The following PPP1R12A variants were observed in gnomAD, a reference collection of about 807,000 sequenced individuals.
PPP1R12A encodes myosin binding subunit.
In PPP1R12A, 19 loss-of-function variants were observed where a neutral mutation model predicts 139.6. The ratio of observed to expected loss-of-function variants is 0.14; its 90% CI spans 0.09 to 0.20. The LOEUF (loss-of-function observed/expected upper bound fraction) is 0.20, where lower values mean the gene tolerates loss of function less well. Among genes scored for constraint, PPP1R12A ranks in the 10% least tolerant of loss-of-function variants. PPP1R12A has a pLI of 1.00. For synonymous variants in PPP1R12A, 427 were observed against 420.6 expected (o/e 1.02, Z -0.19); for missense variants, 925 against 1,211.5 (o/e 0.76, Z 3.51).
At chr12:79,806,034 C>A in intron 13 of PPP1R12A, 132 bp downstream of exon 13, 2 of 1,263,486 alleles carry the variant, frequency 1.6e-6, no homozygotes, top group Non-Finnish European at 1.1e-6. Context: ...CATTTTGGAA[C>A]CAATTTTTGT....
intron 11 of PPP1R12A, among the ~76,000 whole-genome samples, chr12:79,807,688 G>A (rs1437368035): frequency 2.6e-5 from 4 of 151,840 alleles, no homozygotes; most frequent in Non-Finnish European, 4.4e-5. Flanking sequence ...GACTGCTTAT[G>A]AGATCTTAGG....
chr12:79,844,648 T>C (rs1363014418), intron 3 of PPP1R12A, among the ~76,000 whole-genome samples: 1 of 152,200 alleles, frequency 6.6e-6, no homozygotes, highest in Non-Finnish European at 1.5e-5. Flanking sequence ...AGAGATCCTT[T>C]CTAAAAGTAT....
intron 1 of PPP1R12A, among the ~76,000 whole-genome samples, chr12:79,906,601 TTATG>T (rs566176366): frequency 0.02 from 3,010 of 151,950 alleles, 87 homozygotes; most frequent in African/African-American, 0.066. Context: ...ATTTATTCAT[TTATG>T]TATGTATGTA....
chr12:79,922,404 C>T (rs1158731344), intron 1 of PPP1R12A, among the ~76,000 whole-genome samples: 1 of 152,134 alleles, frequency 6.6e-6, no homozygotes, highest in East Asian at 1.9e-4. Context: ...ATACTAGAAA[C>T]TTTATTAAAA....
intron 1 of PPP1R12A, among the ~76,000 whole-genome samples, chr12:79,875,690 AT>A (rs1883033991): frequency 6.6e-6 from 1 of 152,270 alleles, no homozygotes; most frequent in Non-Finnish European, 1.5e-5. Context: ...ATTTAAATGT[AT>A]AAAAAGCCCA....
intron 1 of PPP1R12A, chr12:79,878,327 T>C (rs1163012584): frequency 1.3e-5 from 2 of 152,180 alleles, no homozygotes; most frequent in African/African-American, 2.4e-5. Context: ...CTGGTATTCC[T>C]AGTAGTCTCC....
intron 24 of PPP1R12A, chr12:79,777,333 G>C: frequency 1.0e-6 from 1 of 980,620 alleles, no homozygotes; most frequent in South Asian, 4.7e-5. Context: ...TTTTAATGTA[G>C]CTCATCAATT....
chr12:79,917,483 CAAAAA>C (rs59586178), intron 1 of PPP1R12A, among the ~76,000 whole-genome samples: 3 of 78,898 alleles, frequency 3.8e-5, no homozygotes, highest in Non-Finnish European at 5.3e-5. Context: ...GACTCTGTCT[CAAAAA>C]AAAAAAAAAA....
intron 23 of PPP1R12A, chr12:79,780,174 A>G (rs1358997963): frequency 3.9e-5 from 6 of 152,242 alleles, no homozygotes; most frequent in African/African-American, 1.4e-4. Flanking sequence ...ACTGTACTCC[A>G]GCCTGGGTGA....
intron 4 of PPP1R12A, among the ~76,000 whole-genome samples, chr12:79,829,641 G>C (rs1008638939): frequency 4.0e-5 from 6 of 151,832 alleles, no homozygotes; most frequent in African/African-American, 1.5e-4. Flanking sequence ...CTAAAGAAAA[G>C]CTGAAAGATA....
intron 5 of PPP1R12A, among the ~76,000 whole-genome samples, chr12:79,826,220 C>T (rs1266828386): frequency 6.6e-6 from 1 of 151,768 alleles, no homozygotes; most frequent in East Asian, 1.9e-4. Flanking sequence ...TGATCATGTT[C>T]CTGAATCCAA....
At chr12:79,897,025 T>C (rs1352288675) in intron 1 of PPP1R12A, among the ~76,000 whole-genome samples, 6 of 152,300 alleles carry the variant, frequency 3.9e-5, no homozygotes, top group Middle Eastern at 3.4e-3. Context: ...AGCAACCCCA[T>C]TGCTGGGTCT....
chr12:79,935,398 G>A, upstream of PPP1R12A: 1 of 993,068 alleles, frequency 1.0e-6, no homozygotes, highest in Non-Finnish European at 1.2e-6. Flanking sequence ...GTCGGGCTGG[G>A]GGCTCCCGGG....
intron 1 of PPP1R12A, among the ~76,000 whole-genome samples, chr12:79,895,706 CCA>C (rs887634797): frequency 3.8e-4 from 58 of 152,264 alleles, no homozygotes; most frequent in African/African-American, 1.2e-3. Context: ...TTTCAGAAAA[CCA>C]CAGTTTGACA....
intron 22 of PPP1R12A, among the ~76,000 whole-genome samples, chr12:79,783,524 A>T (rs1870746354): frequency 6.6e-6 from 1 of 152,116 alleles, no homozygotes; most frequent in Non-Finnish European, 1.5e-5. Context: ...ATTCTCATTT[A>T]TTTTTGGTTT....
At chr12:79,845,487 C>A (rs1381826890) in intron 2 of PPP1R12A, 67 bp from the exon 3 acceptor site, 5 of 1,152,144 alleles carry the variant, frequency 4.3e-6, no homozygotes, top group Non-Finnish European at 6.3e-6. Flanking sequence ...AAATGCATAA[C>A]CAATGAGGAA....
At chr12:79,858,261 G>C (rs1224761156) in intron 2 of PPP1R12A, among the ~76,000 whole-genome samples, 1 of 152,150 alleles carries the variant, frequency 6.6e-6, no homozygotes, top group Non-Finnish European at 1.5e-5. Context: ...CAAAATGATA[G>C]TTTCCTTTGT....
At chr12:79,884,298 T>G (rs1386379868) in intron 1 of PPP1R12A, among the ~76,000 whole-genome samples, 1 of 152,184 alleles carries the variant, frequency 6.6e-6, no homozygotes, top group East Asian at 1.9e-4. Context: ...ATTTTGATTT[T>G]AAATGTATAT....
At chr12:79,782,432 T>C (rs186860671) in intron 22 of PPP1R12A, 34 of 299,594 alleles carry the variant, frequency 1.1e-4, no homozygotes, top group Middle Eastern at 4.2e-4. Context: ...ATTCTAGCTG[T>C]ACAGCTTTCT....
Sources: allele counts gnomAD v4.1 joint callset (sites outside exome capture counted in the v4.1 genomes callset), GRCh38; gene constraint gnomAD v4.1.1; transcripts MANE v1.5; gene names NCBI Gene and HGNC (gene_info 2026-07-23, HGNC 2026-07-21).